The following ARL6IP6 variants were observed in gnomAD, a reference collection of about 807,000 sequenced individuals.
ARL6IP6 encodes the protein ARF like GTPase 6 interacting protein 6, also known as ADP-ribosylation factor-like protein 6-interacting protein 6.
A neutral mutation model predicts 21.5 loss-of-function variants in ARL6IP6; 22 were observed. The ratio of observed to expected loss-of-function variants is 1.02; its 90% CI spans 0.73 to 1.46. The LOEUF (loss-of-function observed/expected upper bound fraction) is 1.46. Ranked by LOEUF, ARL6IP6 falls within the 40% of genes most tolerant of loss-of-function variation. The pLI, the probability that ARL6IP6 is intolerant of heterozygous loss-of-function variation, is 0.00. For synonymous variants in ARL6IP6, 164 were observed against 125.3 expected (o/e 1.31, Z -2.06); for missense variants, 388 against 299.8 (o/e 1.29, Z -2.17).
chr2:152,724,907 A>G (rs199965938), intron 2 of ARL6IP6, among the ~76,000 whole-genome samples: 1 of 149,246 alleles, frequency 6.7e-6, no homozygotes, highest in Non-Finnish European at 1.5e-5. Context: ...TAAAAAAAAA[A>G]GCAAAAAAAC....
intron 2 of ARL6IP6, among the ~76,000 whole-genome samples, chr2:152,724,896 A>AT (rs889831805): frequency 1.2e-5 from 1 of 82,444 alleles, no homozygotes; most frequent in African/African-American, 4.4e-5. Flanking sequence ...CAAACCTGAC[A>AT]TAAAAAAAAA....
intron 2 of ARL6IP6, among the ~76,000 whole-genome samples, chr2:152,721,827 A>G (rs1386590042): frequency 6.6e-6 from 1 of 152,238 alleles, no homozygotes; most frequent in Non-Finnish European, 1.5e-5. Flanking sequence ...TTCAAATTGC[A>G]AAGAAGTTGG....
At chr2:152,736,830 T>G (rs971782829) in intron 3 of ARL6IP6, among the ~76,000 whole-genome samples, 5 of 152,206 alleles carry the variant, frequency 3.3e-5, no homozygotes, top group African/African-American at 1.2e-4. Context: ...ATAAGTAATC[T>G]AGAGATGATT....
chr2:152,751,175 A>G (rs1400986521), intron 3 of ARL6IP6, among the ~76,000 whole-genome samples: 1 of 151,558 alleles, frequency 6.6e-6, no homozygotes, highest in African/African-American at 2.4e-5. Context: ...TTTAATTTTT[A>G]TCTGATCAAG....
chr2:152,727,631 T>C (rs567548866), intron 2 of ARL6IP6, among the ~76,000 whole-genome samples: 4 of 152,240 alleles, frequency 2.6e-5, no homozygotes, highest in Non-Finnish European at 5.9e-5. Flanking sequence ...GTATTTTTAC[T>C]GTACCTTTTC....
At chr2:152,721,444 T>G (rs1344299081) in intron 2 of ARL6IP6, among the ~76,000 whole-genome samples, 3 of 152,124 alleles carry the variant, frequency 2.0e-5, no homozygotes, top group Non-Finnish European at 2.9e-5. Flanking sequence ...AATGCTGTAG[T>G]TCACAGGTTT....
chr2:152,735,589 T>C (rs948871088), intron 3 of ARL6IP6, among the ~76,000 whole-genome samples: 2 of 152,186 alleles, frequency 1.3e-5, no homozygotes, highest in Non-Finnish European at 2.9e-5. Context: ...CTAGACCAGA[T>C]TGGATGCTTT....
intron 3 of ARL6IP6, among the ~76,000 whole-genome samples, chr2:152,757,690 T>G (rs1027862766): frequency 5.3e-5 from 8 of 152,288 alleles, no homozygotes; most frequent in Admixed American, 3.3e-4. Flanking sequence ...TTAAAGCAAG[T>G]GATTCTTCAA....
At position 152,750,948 on chromosome 2, in the gene ARL6IP6, G is replaced by A. The variant is rs1160760951; in HGVS notation, c.588-8799G>A. Among the ~76,000 whole-genome samples, 6 of 152,168 alleles carry A rather than the reference G, an allele frequency of 3.9e-5. No individual in the cohort carries two copies. The East Asian group carries it at 9.6e-4, about 24-fold the overall frequency. ...TAGTAACATCTCCACAAATAGTCAT[G>A]CCATTTTCAAAAATATATAAGCCTT... On this transcript the variant is annotated intron_variant, in intron 3 of 3. Transcript: ENST00000326446.
At chr2:152,730,087 A>G (rs999653285) in intron 2 of ARL6IP6, among the ~76,000 whole-genome samples, 1 of 152,186 alleles carries the variant, frequency 6.6e-6, no homozygotes, top group Non-Finnish European at 1.5e-5. Flanking sequence ...TACCCCTATC[A>G]TTGTGACCTG....
intron 3 of ARL6IP6, among the ~76,000 whole-genome samples, chr2:152,755,351 C>T (rs1701533794): frequency 6.6e-6 from 1 of 152,118 alleles, no homozygotes; most frequent in Admixed American, 6.5e-5. Context: ...TCCTCCACCT[C>T]TTGTGGAGGG....
At chr2:152,735,189 A>G in intron 3 of ARL6IP6, 63 bp downstream of exon 3, 2 of 1,565,508 alleles carry the variant, frequency 1.3e-6, no homozygotes, top group Non-Finnish European at 1.8e-6. Context: ...ATACTAAAAT[A>G]CTCAGAAGCA....
intron 3 of ARL6IP6, among the ~76,000 whole-genome samples, chr2:152,739,514 A>C (rs1216575666): frequency 1.3e-5 from 2 of 152,086 alleles, no homozygotes; most frequent in Non-Finnish European, 2.9e-5. Context: ...CTCAACCTGG[A>C]CTTCATTGTC....
upstream of ARL6IP6, chr2:152,717,995 G>A (rs1699261994): frequency 2.0e-6 from 2 of 997,492 alleles, no homozygotes; most frequent in Non-Finnish European, 2.4e-6. Context: ...GTACGCACCA[G>A]GTGGAGAGCG....
chr2:152,746,334 C>T (rs116250081), intron 3 of ARL6IP6, among the ~76,000 whole-genome samples: 1 of 151,948 alleles, frequency 6.6e-6, no homozygotes, highest in Non-Finnish European at 1.5e-5. Context: ...GCTGCTCTTG[C>T]TTGTGCTATT....
rs67760283 is a variant in ARL6IP6 at position 152,746,001 on chromosome 2, C to CTTTTTTTTTTTT, written c.587+10897_587+10908dup. Among the ~76,000 whole-genome samples the CTTTTTTTTTTTT allele has an allele frequency of 3.6e-4, 24 of 66,386 alleles. 2 individuals carry two copies. Among genetic ancestry groups the CTTTTTTTTTTTT allele is most frequent in the Non-Finnish European group, 5.0e-4 (21 of 41,768 alleles). The allele number at this position is 66,386 out of a possible 152,430, so 43.6% of individuals were successfully genotyped here. A position where few individuals can be genotyped will look rare whatever the true frequency, so the allele number is the denominator to read the frequency against. On this transcript the variant is annotated intron_variant, in intron 3 of 3. Transcript: ENST00000326446. ...CAGCTAATGAGTGCTTGCTTTGTAC[C>CTTTTTTTTTTTT]TTTTTTTTTTTTTTTTTTTTTTTTT...
chr2:152,723,852 A>G (rs1235272740), intron 2 of ARL6IP6, among the ~76,000 whole-genome samples: 1 of 152,198 alleles, frequency 6.6e-6, no homozygotes, highest in African/African-American at 2.4e-5. Context: ...TCTCTTAAAA[A>G]GACACAAGTT....
chr2:152,743,180 C>A (rs941213678), intron 3 of ARL6IP6, among the ~76,000 whole-genome samples: 1 of 152,116 alleles, frequency 6.6e-6, no homozygotes, highest in African/African-American at 2.4e-5. Context: ...GTTCACATCA[C>A]CTATGCTCAA....
intron 3 of ARL6IP6, among the ~76,000 whole-genome samples, 195 bp downstream of exon 3, chr2:152,735,321 A>G (rs1269404531): frequency 1.3e-5 from 2 of 152,180 alleles, no homozygotes; most frequent in South Asian, 2.1e-4. Context: ...CTATATCTAG[A>G]TAATGCTTTT....
Sources: gnomAD v4.1 joint callset for allele counts (sites outside exome capture counted in the v4.1 genomes callset) on GRCh38, gnomAD v4.1.1 for gene constraint, MANE v1.5 for transcripts, NCBI Gene and HGNC (gene_info 2026-07-23, HGNC 2026-07-21) for gene names.